RADIL: variants seen among roughly 807,000 people sequenced by gnomAD.
The protein encoded by RADIL is ras-associating and dilute domain-containing protein.
In RADIL, 99 loss-of-function variants were observed where a neutral mutation model predicts 97.6. The observed-to-expected ratio is 1.01, with a 90% CI of 0.86 to 1.20. The LOEUF is 1.20. Among genes scored for constraint, RADIL ranks in the 50% most tolerant of loss-of-function variants. The pLI, the probability that RADIL is intolerant of heterozygous loss-of-function variation, is 0.00. For synonymous variants in RADIL, 803 were observed against 691.8 expected (o/e 1.16, Z -2.52); for missense variants, 1,765 against 1,498.9 (o/e 1.18, Z -2.93).
chr7:4,816,085 A>AC (rs1367754095), intron 8 of RADIL, 143 bp downstream of exon 8: 23 of 745,668 alleles, frequency 3.1e-5, no homozygotes, highest in Non-Finnish European at 5.3e-5. Context: ...CTGGCCTCTC[A>AC]CCCCTCAGGG....
intron 2 of RADIL, among the ~76,000 whole-genome samples, chr7:4,868,928 A>C (rs575933381): frequency 6.6e-6 from 1 of 152,246 alleles, no homozygotes; most frequent in East Asian, 1.9e-4. Context: ...GGAGTTCGAG[A>C]CCAGCCTGAC....
At chr7:4,860,466 T>C (rs371130322) in intron 2 of RADIL, 4 of 1,614,188 alleles carry the variant, frequency 2.5e-6, no homozygotes, top group East Asian at 2.2e-5. Context: ...ATTTCAGAAT[T>C]ATCTGGCTTT....
chr7:4,850,216 TAAAAAAA>T lies in RADIL; in HGVS notation c.536-13618_536-13612del, dbSNP rs34276261. ...ACCCACACTACACAGACGATCCCTT[TAAAAAAA>T]AAAAAAAAAAAAAAACCTTTGACAG... On this transcript the variant is annotated intron_variant, in intron 2 of 14. Coordinates refer to ENST00000399583, the MANE Select transcript of RADIL (RefSeq NM_018059.5). Among the ~76,000 whole-genome samples the T allele has an allele frequency of 1.2e-4, 11 of 88,068 alleles. 1 individual carries two copies. The South Asian group carries it at 3.4e-3, about 27-fold the overall frequency. The allele number at this position is 88,068 out of a possible 152,430, so 57.8% of individuals were successfully genotyped here. A position where few individuals can be genotyped will look rare whatever the true frequency, so the allele number is the denominator to read the frequency against.
intron 2 of RADIL, among the ~76,000 whole-genome samples, chr7:4,850,588 T>G (rs534069796): frequency 1.3e-4 from 20 of 152,316 alleles, no homozygotes; most frequent in African/African-American, 4.8e-4. Flanking sequence ...AGGGCAGCTC[T>G]CCAGGGCATC....
chr7:4,829,077 C>T (rs759476214), intron 5 of RADIL, among the ~76,000 whole-genome samples: 2 of 152,228 alleles, frequency 1.3e-5, no homozygotes, highest in African/African-American at 4.8e-5. Context: ...GAGGCCACCA[C>T]GCCTGTTACT....
chr7:4,872,899 T>C lies in RADIL; in HGVS notation c.535+4706A>G, dbSNP rs1265448656. Among the ~76,000 whole-genome samples the C allele has an allele frequency of 6.6e-6, 1 of 152,132 alleles. No individual in the cohort carries two copies. The highest frequency in any genetic ancestry group is 1.5e-5 in the Non-Finnish European group (1 of 68,018). ...AGAGACTTTGGCGAAATGCTTCCCCTGAAATGGTGCAACCCGTTAGCCCAA... is the reference window on the plus strand; with the variant it reads ...AGAGACTTTGGCGAAATGCTTCCCCCGAAATGGTGCAACCCGTTAGCCCAA... On this transcript the variant is annotated intron_variant, in intron 2 of 14. Transcript: ENST00000399583. This position sits in a 1 kb window ranked among gnomAD's most constrained non-coding sequence, Gnocchi z 5.8.
intron 2 of RADIL, chr7:4,860,849 T>A (rs757078339): frequency 6.2e-7 from 1 of 1,614,122 alleles, no homozygotes; most frequent in South Asian, 1.1e-5. Context: ...CTGCTGTGGG[T>A]ATGCTGGTGT....
intron 2 of RADIL, chr7:4,861,597 G>A: frequency 6.2e-7 from 1 of 1,611,406 alleles, no homozygotes; most frequent in Non-Finnish European, 8.5e-7. Flanking sequence ...TCCTTTACCA[G>A]ATTATTTAAT....
chr7:4,879,022 C>A lies in RADIL; in HGVS notation c.-64-819G>T, dbSNP rs1024527008. ...ACACAAACCCCCAGAATCTACCCCT[C>A]AGGGCAAGAGACCCGTCCTGGCTTG... On this transcript the variant is annotated intron_variant, in intron 1 of 14. Coordinates refer to ENST00000399583, the MANE Select transcript of RADIL (RefSeq NM_018059.5). The surrounding 1 kb of genome is among the most constrained non-coding windows in gnomAD (Gnocchi z 4.1). Among the ~76,000 whole-genome samples the A allele has an allele frequency of 6.6e-6, 1 of 152,236 alleles. No individual in the cohort carries two copies.
chr7:4,848,861 G>A (rs1445571108), intron 2 of RADIL, among the ~76,000 whole-genome samples: 2 of 152,116 alleles, frequency 1.3e-5, no homozygotes, highest in Admixed American at 6.6e-5. Flanking sequence ...GAATTAGGCC[G>A]GGCATGGTGG....
In RADIL at chr7:4,799,247, G is replaced by A. The variant is rs774643878; in HGVS notation, c.*131C>T. 1.4e-6 allele frequency: 1 copy of A among 716,902 alleles called. No homozygotes were observed. The allele number at this position is 716,902 out of a possible 1,614,324, so 44.4% of individuals were successfully genotyped here. On this transcript the variant is annotated 3_prime_UTR_variant, in exon 15 of 15. Transcript: ENST00000399583. Reference sequence around the variant, plus strand: ...TGAGATGCATGTTATCAACAGGCATGTCCCCAGGGTGAGGCTCCCCACCCG... The same window carrying A: ...TGAGATGCATGTTATCAACAGGCATATCCCCAGGGTGAGGCTCCCCACCCG...
chr7:4,880,575 C>T lies in RADIL; in HGVS notation c.-64-2372G>A, dbSNP rs946016086. Among the ~76,000 whole-genome samples, 3 of 152,234 alleles carry T rather than the reference C, an allele frequency of 2.0e-5. No homozygotes were observed. The highest frequency in any genetic ancestry group is 7.2e-5 in the African/African-American group (3 of 41,456). On this transcript the variant is annotated intron_variant, in intron 1 of 14. Coordinates refer to ENST00000399583, the MANE Select transcript of RADIL (RefSeq NM_018059.5). The surrounding 1 kb of genome is among the most constrained non-coding windows in gnomAD (Gnocchi z 4.5). ...CTGCTCCAAAGCACCTCTCCAGATGCCCCAGGCTTAGAAGCCTCCAGGCAG... is the reference window on the plus strand; with the variant it reads ...CTGCTCCAAAGCACCTCTCCAGATGTCCCAGGCTTAGAAGCCTCCAGGCAG...
intron 11 of RADIL, 142 bp from the exon 12 acceptor site, chr7:4,802,137 G>C (rs1782108838): frequency 1.5e-6 from 1 of 687,842 alleles, no homozygotes. Context: ...TGTGCAGCTT[G>C]AGACGCGCAA....
intron 2 of RADIL, among the ~76,000 whole-genome samples, chr7:4,844,856 A>G (rs1207245914): frequency 2.6e-5 from 4 of 152,072 alleles, no homozygotes; most frequent in African/African-American, 9.7e-5. Flanking sequence ...CTCCCGCCTC[A>G]GTCTCCCAAA....
rs1198482063 is a variant in RADIL at position 4,805,660 on chromosome 7, G to A, written c.2196C>T (p.His732=). Reference sequence around the variant, plus strand: ...CCAGCTGGTAGTGAGTCAGCAGCCGGTGCAGCTGTGCTGGGCTCAGTGCGG... The same window carrying A: ...CCAGCTGGTAGTGAGTCAGCAGCCGATGCAGCTGTGCTGGGCTCAGTGCGG... The part of the protein sequence containing the change: ...AFPALSPAQL[H]RLLTHYQLAS... The change falls in exon 10 of 15, where the codon CAC becomes CAT. Residue 732 remains histidine (H), a synonymous_variant. Coordinates refer to ENST00000399583, the MANE Select transcript of RADIL (RefSeq NM_018059.5). 6.2e-7 allele frequency: 1 copy of A among 1,611,814 alleles called. No homozygotes were observed. Among genetic ancestry groups the A allele is most frequent in the Non-Finnish European group, 8.5e-7 (1 of 1,179,900 alleles).
At chr7:4,841,049 C>T (rs374794758) in intron 2 of RADIL, among the ~76,000 whole-genome samples, 1 of 152,206 alleles carries the variant, frequency 6.6e-6, no homozygotes, top group African/African-American at 2.4e-5. Context: ...GGCAGGACGG[C>T]CGCAGCCTTT....
At position 4,814,360 on chromosome 7, in the gene RADIL, T is replaced by C. The variant is rs186127816; in HGVS notation, c.2139+918A>G. On this transcript the variant is annotated intron_variant, in intron 9 of 14. Transcript: ENST00000399583. This position sits in a 1 kb window ranked among gnomAD's most constrained non-coding sequence, Gnocchi z 4.5. ...TTGAGACAGGGCCTCACTTTGTCGC[T>C]CAAGGTGGAGTGCAGTGGCATGATC... Among the ~76,000 whole-genome samples the C allele has an allele frequency of 2.2e-3, 332 of 152,250 alleles. 5 individuals are homozygous for C. The highest frequency in any genetic ancestry group is 7.6e-3 in the African/African-American group (315 of 41,548).
chr7:4,848,091 G>A (rs1783619358), intron 2 of RADIL, among the ~76,000 whole-genome samples: 1 of 151,928 alleles, frequency 6.6e-6, no homozygotes, highest in Admixed American at 6.6e-5. Context: ...AGCTAACTCG[G>A]GAGGCTGAAT....
Position 4,834,518 on chromosome 7 carries a change from C to A in RADIL, c.1416+89G>T, listed in dbSNP as rs567474793. The A allele has an allele frequency of 5.6e-6, 7 of 1,243,482 alleles. No individual in the cohort carries two copies. The highest frequency in any genetic ancestry group is 3.1e-5 in the East Asian group (1 of 32,252). 77.0% of individuals were successfully genotyped at this position (1,243,482 alleles called of 1,614,324 possible). The stretch of plus-strand genomic sequence containing the variant: ...CAGCACCGTGGGGGTCAGATAGAGG[C>A]GCTCCCGCCTCCCAGCCGGGGCCAG... On this transcript the variant is annotated intron_variant, in intron 4 of 14. Transcript: ENST00000399583. This position sits in a 1 kb window ranked among gnomAD's most constrained non-coding sequence, Gnocchi z 6.0.
Sources: allele counts gnomAD v4.1 joint callset (sites outside exome capture counted in the v4.1 genomes callset), GRCh38; gene constraint gnomAD v4.1.1; non-coding constraint Gnocchi (gnomAD v3.1); transcripts MANE v1.5; gene names NCBI Gene and HGNC (gene_info 2026-07-23, HGNC 2026-07-21).